Variants in LRBA observed in about 807,000 individuals in gnomAD.
LRBA encodes the protein lipopolysaccharide-responsive and beige-like anchor protein.
LRBA carries 176 observed loss-of-function variants against 330.0 expected under a neutral mutation model. That is an observed-to-expected ratio of 0.53 (90% CI 0.47 to 0.60). The LOEUF (loss-of-function observed/expected upper bound fraction) is 0.60. Among genes scored for constraint, LRBA ranks in the 20% least tolerant of loss-of-function variants. LRBA has a pLI of 0.00. For missense variants in LRBA, 3,259 were observed against 3,444.8 expected, an observed-to-expected ratio of 0.95 and a Z score of 1.35; for synonymous variants, 1,230 against 1,193.0, an observed-to-expected ratio of 1.03 and a Z score of -0.64.
chr4:150,789,499 T>C (rs1409607242), intron 34 of LRBA, among the ~76,000 whole-genome samples: 1 of 152,162 alleles, frequency 6.6e-6, no homozygotes, highest in Non-Finnish European at 1.5e-5. Flanking sequence ...AATTACTAAA[T>C]AATAATTTTA....
At chr4:150,299,921 A>C (rs1046283009) in intron 53 of LRBA, among the ~76,000 whole-genome samples, 1 of 152,094 alleles carries the variant, frequency 6.6e-6, no homozygotes, top group Non-Finnish European at 1.5e-5. Flanking sequence ...ATTGTATCTA[A>C]GAGGTACAAT....
chr4:150,653,146 C>T (rs1233626604), intron 37 of LRBA, among the ~76,000 whole-genome samples: 3 of 152,072 alleles, frequency 2.0e-5, no homozygotes, highest in African/African-American at 7.2e-5. Flanking sequence ...AATTCAAGAC[C>T]AGCCTCGGCA....
intron 36 of LRBA, among the ~76,000 whole-genome samples, chr4:150,704,006 A>C (rs776525980): frequency 2.6e-5 from 4 of 152,004 alleles, no homozygotes; most frequent in Non-Finnish European, 5.9e-5. Context: ...GGAGTTTGGA[A>C]CTCTCCTGCA....
chr4:150,647,547 AC>A (rs1779279804), intron 37 of LRBA, among the ~76,000 whole-genome samples: 1 of 151,698 alleles, frequency 6.6e-6, no homozygotes, highest in Admixed American at 6.6e-5. Context: ...GTGCATACCA[AC>A]ATACCCAGCT....
chr4:150,991,782 G>T (rs1742115574), intron 2 of LRBA, among the ~76,000 whole-genome samples: 1 of 152,186 alleles, frequency 6.6e-6, no homozygotes, highest in African/African-American at 2.4e-5. Context: ...ACTCAAAAGG[G>T]TGAATTTTAT....
intron 51 of LRBA, among the ~76,000 whole-genome samples, chr4:150,311,676 T>G (rs944996480): frequency 8.5e-5 from 13 of 152,166 alleles, no homozygotes; most frequent in Admixed American, 8.5e-4. Flanking sequence ...ATTGGATAAC[T>G]GTTTGATAAT....
At chr4:150,443,721 T>G (rs956419140) in intron 44 of LRBA, among the ~76,000 whole-genome samples, 2 of 151,566 alleles carry the variant, frequency 1.3e-5, no homozygotes, top group African/African-American at 4.8e-5. Context: ...GGGGGAGGGA[T>G]AGCATTAGAA....
chr4:150,270,758 C>T (rs144666122), intron 56 of LRBA, among the ~76,000 whole-genome samples: 1 of 152,240 alleles, frequency 6.6e-6, no homozygotes, highest in East Asian at 1.9e-4. Flanking sequence ...GATGATCCCC[C>T]CAAAATCTAC....
At chr4:150,362,038 C>A (rs1738779208) in intron 47 of LRBA, among the ~76,000 whole-genome samples, 1 of 152,160 alleles carries the variant, frequency 6.6e-6, no homozygotes, top group Admixed American at 6.5e-5. Context: ...TCCCAAAGTG[C>A]TGGGATTACA....
chr4:150,603,023 C>T (rs1774276995), intron 37 of LRBA, among the ~76,000 whole-genome samples: 1 of 152,284 alleles, frequency 6.6e-6, no homozygotes, highest in Admixed American at 6.5e-5. Context: ...ACACAACACC[C>T]TTTCACAAAC....
chr4:150,596,109 C>T (rs2126492419), intron 38 of LRBA, among the ~76,000 whole-genome samples: 1 of 151,822 alleles, frequency 6.6e-6, no homozygotes, highest in East Asian at 1.9e-4. Flanking sequence ...TATAAATAAC[C>T]ACTTTGGAGG....
At chr4:150,678,404 C>A (rs918116231) in intron 37 of LRBA, among the ~76,000 whole-genome samples, 1 of 152,050 alleles carries the variant, frequency 6.6e-6, no homozygotes, top group Non-Finnish European at 1.5e-5. Context: ...ATCAGTACTG[C>A]AATATGCCTC....
chr4:150,284,862 A>C (rs1427502694), intron 54 of LRBA, among the ~76,000 whole-genome samples: 1 of 152,130 alleles, frequency 6.6e-6, no homozygotes, highest in Non-Finnish European at 1.5e-5. Context: ...ACAATTGTAA[A>C]ATTTACCAAT....
chr4:150,773,074 C>T (rs1736799441), intron 34 of LRBA, among the ~76,000 whole-genome samples: 1 of 152,076 alleles, frequency 6.6e-6, no homozygotes, highest in Admixed American at 6.5e-5. Flanking sequence ...ACACTGGAGC[C>T]CTAGAAATTT....
At chr4:150,357,309 AC>A (rs1201474062) in intron 47 of LRBA, among the ~76,000 whole-genome samples, 1 of 151,972 alleles carries the variant, frequency 6.6e-6, no homozygotes, top group Non-Finnish European at 1.5e-5. Flanking sequence ...TTTTAAATGG[AC>A]TAGTCAACCA....
At chr4:150,345,304 T>C (rs1736135929) in intron 48 of LRBA, among the ~76,000 whole-genome samples, 1 of 152,192 alleles carries the variant, frequency 6.6e-6, no homozygotes, top group Non-Finnish European at 1.5e-5. Flanking sequence ...TAGTAAAAGG[T>C]TGTTGAAAAA....
intron 36 of LRBA, among the ~76,000 whole-genome samples, chr4:150,727,932 G>C (rs1729922062): frequency 6.6e-6 from 1 of 152,020 alleles, no homozygotes; most frequent in South Asian, 2.1e-4. Context: ...CAAAAAGTTG[G>C]CTTCTTGAAA....
Position 150,848,777 on chromosome 4 carries a change from A to C in LRBA, c.4339+41T>G, listed in dbSNP as rs1289189942. The C allele has an allele frequency of 2.6e-6, 4 of 1,519,248 alleles. No individual in the cohort carries two copies. The East Asian group carries it at 9.1e-5, about 35-fold the overall frequency. The allele number at this position is 1,519,248 out of a possible 1,614,324, so 94.1% of individuals were successfully genotyped here. On this transcript the variant is annotated intron_variant, in intron 26 of 56. Coordinates refer to ENST00000651943, the MANE Select transcript of LRBA (RefSeq NM_001364905.1). ...CAATGTCATCTCTGAATTACTGAAAAATTTTTTTTAGTAAATTCCCAACGG... is the reference window on the plus strand; with the variant it reads ...CAATGTCATCTCTGAATTACTGAAACATTTTTTTTAGTAAATTCCCAACGG...
Position 150,598,859 on chromosome 4 carries a change from TA to T in LRBA, c.6046+147del, listed in dbSNP as rs2126508540. 6 of 813,572 alleles carry T rather than the reference TA, an allele frequency of 7.4e-6. No homozygotes were observed. In the East Asian group the frequency reaches 1.1e-4, roughly 15 times the overall value. The allele number at this position is 813,572 out of a possible 1,614,324, so 50.4% of individuals were successfully genotyped here. On this transcript the variant is annotated intron_variant, in intron 38 of 56. Coordinates refer to ENST00000651943, the MANE Select transcript of LRBA (RefSeq NM_001364905.1). ...ATTTAATAGGACTCTATAGTAACTA[TA>T]AAAAAATTTAACTTCTCTTTCTGGT...
Sources: gnomAD v4.1 joint callset for allele counts (sites outside exome capture counted in the v4.1 genomes callset) on GRCh38, gnomAD v4.1.1 for gene constraint, MANE v1.5 for transcripts, NCBI Gene and HGNC (gene_info 2026-07-23, HGNC 2026-07-21) for gene names.